NKAIN1: variants seen among roughly 807,000 people sequenced by gnomAD.
NKAIN1 encodes sodium/potassium-transporting ATPase subunit beta-1-interacting protein 1.
Under a neutral mutation model 31.6 loss-of-function variants are expected in NKAIN1, and 13 were observed. That is an observed-to-expected ratio of 0.41 (90% CI 0.27 to 0.65). The LOEUF is 0.65. Among genes scored for constraint, NKAIN1 ranks in the 30% least tolerant of loss-of-function variants. NKAIN1 has a pLI of 0.30. For synonymous variants in NKAIN1, 104 were observed against 109.0 expected (o/e 0.95, Z 0.28); for missense variants, 193 against 262.2 (o/e 0.74, Z 1.82).
At chr1:31,206,260 A>AATAAAT (rs56809902) in intron 1 of NKAIN1, among the ~76,000 whole-genome samples, 1 of 61,086 alleles carries the variant, frequency 1.6e-5, no homozygotes, top group Non-Finnish European at 4.4e-5. Context: ...AAATAAAATA[A>AATAAAT]AAATAAATAA....
chr1:31,194,255 T>G (rs1216049180), intron 1 of NKAIN1, among the ~76,000 whole-genome samples: 2 of 152,102 alleles, frequency 1.3e-5, no homozygotes, highest in Non-Finnish European at 2.9e-5. Flanking sequence ...CATCTCTGTC[T>G]TCACCTGCCA....
chr1:31,199,321 T>C (rs944709781), intron 1 of NKAIN1, among the ~76,000 whole-genome samples: 2 of 152,214 alleles, frequency 1.3e-5, no homozygotes, highest in African/African-American at 4.8e-5. Context: ...GTCCTGAGGA[T>C]TCAGACAGTG....
chr1:31,203,880 C>T (rs890340619), intron 1 of NKAIN1, among the ~76,000 whole-genome samples: 7 of 152,064 alleles, frequency 4.6e-5, no homozygotes, highest in East Asian at 3.9e-4. Context: ...CCACTGCGCT[C>T]GGCCTATGAG....
intron 1 of NKAIN1, among the ~76,000 whole-genome samples, chr1:31,217,281 C>G (rs1368646387): frequency 6.6e-6 from 1 of 152,228 alleles, no homozygotes; most frequent in Non-Finnish European, 1.5e-5. Context: ...TCTCTTGCCT[C>G]AGCCTCCCAT....
At chr1:31,185,792 T>C (rs371941969) in intron 2 of NKAIN1, among the ~76,000 whole-genome samples, 37 of 152,246 alleles carry the variant, frequency 2.4e-4, no homozygotes, top group African/African-American at 8.4e-4. Context: ...GCTTAAGCAA[T>C]CCCTAGGAGA....
rs754860679 is a variant in NKAIN1 at position 31,197,545 on chromosome 1, C to CTTTTTTTT, written c.55-9366_55-9359dup. Among the ~76,000 whole-genome samples, 997 of 111,314 alleles carry CTTTTTTTT rather than the reference C, an allele frequency of 9.0e-3. 58 individuals are homozygous for CTTTTTTTT. Among genetic ancestry groups the CTTTTTTTT allele is most frequent in the Non-Finnish European group, 0.013 (714 of 56,964 alleles). 73.0% of individuals were successfully genotyped at this position (111,314 alleles called of 152,430 possible). A position where few individuals can be genotyped will look rare whatever the true frequency, so the allele number is the denominator to read the frequency against. On this transcript the variant is annotated intron_variant, in intron 1 of 6. Coordinates refer to ENST00000373736, the MANE Select transcript of NKAIN1 (RefSeq NM_024522.3). ...ACAGGCATGAGCCACCGTGCCCGGC[C>CTTTTTTTT]TTTTTTTTTTTTTTTCCCTGAGATG...
At position 31,181,100 on chromosome 1, in the gene NKAIN1, A is replaced by G. The variant is rs964553543; in HGVS notation, c.*603T>C. 6.6e-6 allele frequency: 1 copy of G among 152,282 alleles called. No individual in the cohort carries two copies. The highest frequency in any genetic ancestry group is 1.5e-5 in the Non-Finnish European group (1 of 68,096). The allele number at this position is 152,282 out of a possible 1,614,324, so 9.4% of individuals were successfully genotyped here. On this transcript the variant is annotated 3_prime_UTR_variant, in exon 7 of 7. Transcript: ENST00000373736. ...AATGTACTGCAAAATGAGAATTTTA[A>G]TCCCAGTCTAGCTCAGGGAATTGAG...
intron 1 of NKAIN1, among the ~76,000 whole-genome samples, chr1:31,232,011 T>C (rs1165370766): frequency 6.6e-6 from 1 of 151,684 alleles, no homozygotes; most frequent in Admixed American, 6.6e-5. Context: ...CTCAAGCTCC[T>C]GGGCAAAAGC....
chr1:31,214,259 G>A (rs1645493214), intron 1 of NKAIN1, among the ~76,000 whole-genome samples: 1 of 151,980 alleles, frequency 6.6e-6, no homozygotes, highest in South Asian at 2.1e-4. Flanking sequence ...GTGGATTAGT[G>A]GTTGCCAGAA....
chr1:31,213,042 GTTTT>G (rs34522940), intron 1 of NKAIN1, among the ~76,000 whole-genome samples: 5 of 135,634 alleles, frequency 3.7e-5, no homozygotes, highest in East Asian at 2.1e-4. Context: ...TTTTTCTTTT[GTTTT>G]TTTTTTTTTT....
chr1:31,219,611 C>T lies in NKAIN1; in HGVS notation c.54+19883G>A, dbSNP rs186921174. 1.1e-3 allele frequency among the ~76,000 whole-genome samples: 166 copies of T among 152,356 alleles called. 1 individual carries two copies. The highest frequency in any genetic ancestry group is 4.4e-3 in the Admixed American group (68 of 15,308). ...GCCACAGAAGGCCCCCTAATGCTTC[C>T]GGTACCGCCCAGGTCCCCTGTAGCG... On this transcript the variant is annotated intron_variant, in intron 1 of 6. Coordinates refer to ENST00000373736, the MANE Select transcript of NKAIN1 (RefSeq NM_024522.3).
rs1359766341 is a variant in NKAIN1, at chr1:31,200,060, C to T, written c.55-11873G>A. On this transcript the variant is annotated intron_variant, in intron 1 of 6. Transcript: ENST00000373736. Reference sequence around the variant, plus strand: ...ACACATGCACACGTGCACACACGCACGCGCACGCACGAACACATGCGCGCA... The same window carrying T: ...ACACATGCACACGTGCACACACGCATGCGCACGCACGAACACATGCGCGCA... Among the ~76,000 whole-genome samples, 4 of 152,094 alleles carry T rather than the reference C, an allele frequency of 2.6e-5. 1 individual carries two copies. Among genetic ancestry groups the T allele is most frequent in the South Asian group, 4.1e-4 (2 of 4,828 alleles).
At chr1:31,238,772 A>C (rs532486941) in intron 1 of NKAIN1, among the ~76,000 whole-genome samples, 1 of 152,198 alleles carries the variant, frequency 6.6e-6, no homozygotes, top group East Asian at 1.9e-4. Flanking sequence ...CAGCGGCCAG[A>C]CCAAAGCAGG....
rs1162697364 is a variant in NKAIN1 at position 31,180,950 on chromosome 1, C to T, written c.*753G>A. On this transcript the variant is annotated 3_prime_UTR_variant, in exon 7 of 7. Transcript: ENST00000373736. ...GATGGAGGGGGGCTTGGAAATGGAA[C>T]TCAGAGAGCAGACACTGGGTTTTAC... is the stretch of plus-strand genomic sequence containing the variant. The T allele has an allele frequency of 6.6e-6, 1 of 152,166 alleles. No individual in the cohort carries two copies. Among genetic ancestry groups the T allele is most frequent in the Non-Finnish European group, 1.5e-5 (1 of 68,050 alleles). The allele number at this position is 152,166 out of a possible 1,614,324, so 9.4% of individuals were successfully genotyped here.
In NKAIN1 at chr1:31,181,446, A is replaced by G; in HGVS notation, c.*257T>C. 1 of 402,674 alleles carries G rather than the reference A, an allele frequency of 2.5e-6. No homozygotes were observed. Among genetic ancestry groups the G allele is most frequent in the Non-Finnish European group, 4.4e-6 (1 of 227,934 alleles). The allele number at this position is 402,674 out of a possible 1,614,324, so 24.9% of individuals were successfully genotyped here. A position where few individuals can be genotyped will look rare whatever the true frequency, so the allele number is the denominator to read the frequency against. On this transcript the variant is annotated 3_prime_UTR_variant, in exon 7 of 7. Coordinates refer to ENST00000373736, the MANE Select transcript of NKAIN1 (RefSeq NM_024522.3). ...GGCTGAGATTAAAAACAAACAAACA[A>G]AAAACAAAAAACCCGTGGTGCCCCT...
intron 1 of NKAIN1, among the ~76,000 whole-genome samples, chr1:31,202,763 G>A (rs1277923473): frequency 4.7e-5 from 7 of 148,480 alleles, no homozygotes; most frequent in Non-Finnish European, 8.9e-5. Flanking sequence ...CGGATCACGA[G>A]GTCAAGAGAT....
Position 31,215,287 on chromosome 1 carries a change from T to TC in NKAIN1, c.54+24206dup, listed in dbSNP as rs534556624. Among the ~76,000 whole-genome samples the TC allele has an allele frequency of 2.6e-4, 40 of 152,206 alleles. No individual in the cohort carries two copies. The South Asian group carries it at 7.0e-3, about 27-fold the overall frequency. ...CTTGGGCAAAGTTGCACAGCAGTAC[T>TC]CCCCCCAACCCAGGGCTTCGGGATC... On this transcript the variant is annotated intron_variant, in intron 1 of 6. Transcript: ENST00000373736.
chr1:31,214,031 T>C (rs1325769144), intron 1 of NKAIN1, among the ~76,000 whole-genome samples: 18 of 147,216 alleles, frequency 1.2e-4, no homozygotes, highest in Admixed American at 6.1e-4. Context: ...AATTAATTAA[T>C]TAATTAATTA....
intron 1 of NKAIN1, among the ~76,000 whole-genome samples, chr1:31,208,858 A>T (rs1645445150): frequency 6.6e-6 from 1 of 152,106 alleles, no homozygotes; most frequent in Non-Finnish European, 1.5e-5. Flanking sequence ...GCGAGTTGTG[A>T]TACTGAGGCC....
Sources: gnomAD v4.1 joint callset for allele counts (sites outside exome capture counted in the v4.1 genomes callset) on GRCh38, gnomAD v4.1.1 for gene constraint, MANE v1.5 for transcripts, NCBI Gene and HGNC (gene_info 2026-07-23, HGNC 2026-07-21) for gene names.